SLC7A5: variants seen among roughly 807,000 people sequenced by gnomAD.
SLC7A5 encodes large neutral amino acids transporter small subunit 1.
SLC7A5 carries 23 observed loss-of-function variants against 50.2 expected under a neutral mutation model. The observed-to-expected ratio is 0.46, with a 90% CI of 0.33 to 0.65. SLC7A5 has a LOEUF of 0.65. Among genes scored for constraint, SLC7A5 ranks in the 30% least tolerant of loss-of-function variants. The pLI, the probability that SLC7A5 is intolerant of heterozygous loss-of-function variation, is 0.02. For synonymous variants in SLC7A5, 393 were observed against 330.6 expected (o/e 1.19, Z -2.05); for missense variants, 578 against 684.4 (o/e 0.84, Z 1.73).
At position 87,830,223 on chromosome 16, in the gene SLC7A5, CAG is replaced by C. The variant is rs2054920094; in HGVS notation, c.*2745_*2746del. 6.6e-6 allele frequency: 1 copy of C among 152,248 alleles called. No individual in the cohort carries two copies. The highest frequency in any genetic ancestry group is 2.4e-5 in the African/African-American group (1 of 41,462). The allele number at this position is 152,248 out of a possible 1,614,324, so 9.4% of individuals were successfully genotyped here. A position where few individuals can be genotyped will look rare whatever the true frequency, so the allele number is the denominator to read the frequency against. ...TGGCCCTGCGTGGCTGGGACACAGA[CAG>C]GGAGCAGGCATGGCACCTGCGCCAC... On this transcript the variant is annotated 3_prime_UTR_variant, in exon 10 of 10. Transcript: ENST00000261622.
Position 87,852,114 on chromosome 16 carries a change from C to T in SLC7A5, c.539-265G>A, listed in dbSNP as rs749613405. Among the ~76,000 whole-genome samples the T allele has an allele frequency of 7.2e-5, 11 of 152,190 alleles. No homozygotes were observed. Among genetic ancestry groups the T allele is most frequent in the Non-Finnish European group, 1.3e-4 (9 of 68,026 alleles). ...CTGCAAGGGACCTTTCCTCACCCCC[C>T]ACCACACCAGGCCATGGAGTCCCAC... On this transcript the variant is annotated intron_variant, in intron 1 of 9. Transcript: ENST00000261622. This position sits in a 1 kb window ranked among gnomAD's most constrained non-coding sequence, Gnocchi z 4.5.
intron 1 of SLC7A5, among the ~76,000 whole-genome samples, chr16:87,867,756 C>T (rs1334132206): frequency 2.6e-5 from 4 of 152,278 alleles, no homozygotes; most frequent in Non-Finnish European, 2.9e-5. Context: ...ACCCACCTTC[C>T]CACGCCACCC....
chr16:87,849,097 T>G (rs566888921), intron 2 of SLC7A5, among the ~76,000 whole-genome samples: 1 of 152,332 alleles, frequency 6.6e-6, no homozygotes, highest in East Asian at 1.9e-4. Flanking sequence ...CGCTGCATTC[T>G]CCAGACCCGG....
chr16:87,868,387 A>G (rs921873398), intron 1 of SLC7A5, among the ~76,000 whole-genome samples: 1 of 152,082 alleles, frequency 6.6e-6, no homozygotes, highest in African/African-American at 2.4e-5. Flanking sequence ...TGTTATTACT[A>G]CTGTTTTCTT....
intron 1 of SLC7A5, 121 bp downstream of exon 1, chr16:87,868,764 T>G (rs1011926040): frequency 5.6e-6 from 6 of 1,070,650 alleles, no homozygotes; most frequent in Non-Finnish European, 8.4e-6. Flanking sequence ...AGCCTAGAAC[T>G]GCCGGGATGG....
chr16:87,856,462 G>T (rs1311161599), intron 1 of SLC7A5, among the ~76,000 whole-genome samples: 1 of 152,238 alleles, frequency 6.6e-6, no homozygotes, highest in Non-Finnish European at 1.5e-5. Context: ...GGGCCGGAGA[G>T]CGGCAGCTGA....
At position 87,836,487 on chromosome 16, in the gene SLC7A5, C is replaced by T; in HGVS notation, c.1290+11G>A. ...AAGGGTGCCTGGGTGAGCGGGAGGCCCCGGGCTCACCTTGATGGGCCGCTC... is the reference window on the plus strand; with the variant it reads ...AAGGGTGCCTGGGTGAGCGGGAGGCTCCGGGCTCACCTTGATGGGCCGCTC... On this transcript the variant is annotated intron_variant, in intron 8 of 9. Coordinates refer to ENST00000261622, the MANE Select transcript of SLC7A5 (RefSeq NM_003486.7). The T allele has an allele frequency of 6.2e-7, 1 of 1,608,522 alleles. No individual in the cohort carries two copies.
chr16:87,850,872 A>C (rs996802959), intron 2 of SLC7A5, among the ~76,000 whole-genome samples: 1 of 152,248 alleles, frequency 6.6e-6, no homozygotes, highest in African/African-American at 2.4e-5. Context: ...CACAGAACAC[A>C]GATCTATGGA....
At chr16:87,839,572 A>C in intron 5 of SLC7A5, 130 bp downstream of exon 5, 1 of 1,291,382 alleles carries the variant, frequency 7.7e-7, no homozygotes, top group Non-Finnish European at 1.1e-6. Context: ...CGGGTAGGGG[A>C]GGCTTAGAGA....
At chr16:87,835,617 G>T (rs1446500396) in intron 8 of SLC7A5, among the ~76,000 whole-genome samples, 2 of 152,280 alleles carry the variant, frequency 1.3e-5, no homozygotes, top group Admixed American at 6.5e-5. Context: ...GCAACTATAG[G>T]CGCCCGCCAC....
rs2055275742 is a variant in SLC7A5, at chr16:87,853,982, C to G, written c.539-2133G>C. On this transcript the variant is annotated intron_variant, in intron 1 of 9. Coordinates refer to ENST00000261622, the MANE Select transcript of SLC7A5 (RefSeq NM_003486.7). This position sits in a 1 kb window ranked among gnomAD's most constrained non-coding sequence, Gnocchi z 4.4. Reference sequence around the variant, plus strand: ...CAGCGAGTTGCCCAGAATTGCCCAACCACGGGCTGTCCTGCCACACTGACG... The same window carrying G: ...CAGCGAGTTGCCCAGAATTGCCCAAGCACGGGCTGTCCTGCCACACTGACG... 1 of 152,342 alleles carries G rather than the reference C, an allele frequency of 6.6e-6. No individual in the cohort carries two copies. Among genetic ancestry groups the G allele is most frequent in the Non-Finnish European group, 1.5e-5 (1 of 68,238 alleles). The allele number at this position is 152,342 out of a possible 1,614,324, so 9.4% of individuals were successfully genotyped here.
chr16:87,840,363 T>C (rs1430041639), intron 4 of SLC7A5, 66 bp downstream of exon 4: 2 of 1,383,994 alleles, frequency 1.4e-6, no homozygotes, highest in Non-Finnish European at 2.1e-6. Flanking sequence ...TCGAGTGGAA[T>C]GTGGCTGCTT....
chr16:87,849,535 C>T (rs912232705), intron 2 of SLC7A5, among the ~76,000 whole-genome samples: 1 of 152,212 alleles, frequency 6.6e-6, no homozygotes, highest in African/African-American at 2.4e-5. Context: ...CTAAATCTTT[C>T]CTGGCTATCT....
At chr16:87,845,566 ACGG>A (rs1484451326) in intron 2 of SLC7A5, among the ~76,000 whole-genome samples, 9 of 117,320 alleles carry the variant, frequency 7.7e-5, no homozygotes, top group Non-Finnish European at 1.2e-4. Flanking sequence ...ACCCTAGGCC[ACGG>A]CGCCGCTTTT....
chr16:87,836,676 C>T (rs577773874), intron 7 of SLC7A5, 29 bp from the exon 8 acceptor site: 1 of 1,608,438 alleles, frequency 6.2e-7, no homozygotes, highest in East Asian at 2.2e-5. Context: ...TGGCTGAGCC[C>T]TGGGGCCCAC....
chr16:87,851,982 A>G, intron 1 of SLC7A5, 133 bp from the exon 2 acceptor site: 1 of 1,028,560 alleles, frequency 9.7e-7, no homozygotes, highest in South Asian at 1.4e-5. Context: ...AAACAGCTCC[A>G]GTCCCCTGCC....
At chr16:87,840,592 C>G (rs2055071274) in intron 3 of SLC7A5, 119 bp from the exon 4 acceptor site, 1 of 859,994 alleles carries the variant, frequency 1.2e-6, no homozygotes, top group Non-Finnish European at 2.0e-6. Flanking sequence ...GCTCGCTGGG[C>G]TGGAAAGCGG....
At chr16:87,849,728 C>G (rs1450569132) in intron 2 of SLC7A5, among the ~76,000 whole-genome samples, 1 of 152,092 alleles carries the variant, frequency 6.6e-6, no homozygotes, top group African/African-American at 2.4e-5. Flanking sequence ...AGTAAGGTGC[C>G]GGAACCTGAG....
At chr16:87,844,817 C>T (rs1190983541) in intron 2 of SLC7A5, among the ~76,000 whole-genome samples, 1 of 152,286 alleles carries the variant, frequency 6.6e-6, no homozygotes, top group African/African-American at 2.4e-5. Context: ...CCCCTTGGGG[C>T]TCTAGGTGGA....
Sources: gnomAD v4.1 joint callset for allele counts (sites outside exome capture counted in the v4.1 genomes callset) on GRCh38, gnomAD v4.1.1 for gene constraint, Gnocchi (gnomAD v3.1) non-coding constraint, MANE v1.5 for transcripts, NCBI Gene and HGNC (gene_info 2026-07-23, HGNC 2026-07-21) for gene names.